The following USP6NL variants were observed in gnomAD, a reference collection of about 807,000 sequenced individuals.
USP6NL encodes the protein USP6 N-terminal-like protein.
In USP6NL, 26 loss-of-function variants were observed where a neutral mutation model predicts 61.9. That is an observed-to-expected ratio of 0.42 (90% CI 0.31 to 0.58). The LOEUF is 0.58. Ranked by LOEUF, USP6NL falls within the 20% of genes least tolerant of loss-of-function variation. The pLI is 0.16. For synonymous variants in USP6NL, 432 were observed against 390.1 expected (o/e 1.11, Z -1.27); for missense variants, 1,114 against 1,034.3 (o/e 1.08, Z -1.06).
intron 14 of USP6NL, among the ~76,000 whole-genome samples, chr10:11,464,988 AT>A (rs1340292702): frequency 6.6e-6 from 1 of 151,906 alleles, no homozygotes; most frequent in Non-Finnish European, 1.5e-5. Flanking sequence ...TAAAAATAAA[AT>A]TAAAACCTAT....
chr10:11,519,034 T>G (rs1380408439), intron 4 of USP6NL, among the ~76,000 whole-genome samples: 1 of 152,212 alleles, frequency 6.6e-6, no homozygotes, highest in African/African-American at 2.4e-5. Flanking sequence ...CGGTAAGTAT[T>G]TGAGACTTTC....
rs1031640954 is a variant in USP6NL, at chr10:11,485,985, T to C, written c.665-74A>G. 1 of 1,029,316 alleles carries C rather than the reference T, an allele frequency of 9.7e-7. No individual in the cohort carries two copies. The highest frequency in any genetic ancestry group is 1.4e-6 in the Non-Finnish European group (1 of 723,960). The allele number at this position is 1,029,316 out of a possible 1,614,324, so 63.8% of individuals were successfully genotyped here. A position where few individuals can be genotyped will look rare whatever the true frequency, so the allele number is the denominator to read the frequency against. ...CCCTCCAATCTTAAAACACAACATA[T>C]TTCATTTGTAACTGTCAAAAATAAA... On this transcript the variant is annotated intron_variant, in intron 10 of 14. Coordinates refer to ENST00000609104, the MANE Select transcript of USP6NL (RefSeq NM_014688.5). This position sits in a 1 kb window ranked among gnomAD's most constrained non-coding sequence, Gnocchi z 4.8.
At chr10:11,581,984 G>A (rs11257180) in intron 2 of USP6NL, among the ~76,000 whole-genome samples, 1 of 151,898 alleles carries the variant, frequency 6.6e-6, no homozygotes, top group Admixed American at 6.6e-5. Context: ...TTGTTTTTGA[G>A]ACGGAGTTTC....
chr10:11,462,890 A>G lies in USP6NL; in HGVS notation c.2038T>C (p.Ser680Pro). 1 of 1,613,648 alleles carries G rather than the reference A, an allele frequency of 6.2e-7. No individual in the cohort carries two copies. Among genetic ancestry groups the G allele is most frequent in the East Asian group, 2.2e-5 (1 of 44,862 alleles). Reference sequence around the variant, plus strand: ...GGGCGGCTGTAAGATTTCTCCGGAGAAGCACTGACGGAAAGAGTAGAACCA... The same window carrying G: ...GGGCGGCTGTAAGATTTCTCCGGAGGAGCACTGACGGAAAGAGTAGAACCA... ...PHGSTLSVSASPEKSYSRPSP... is the reference protein window; with the variant it reads ...PHGSTLSVSAPPEKSYSRPSP... The change falls in exon 15 of 15, where the codon TCT becomes CCT. Residue 680 changes from serine (S) to proline (P), a missense_variant. Transcript: ENST00000609104.
chr10:11,607,243 T>C (rs1035695429), intron 1 of USP6NL, among the ~76,000 whole-genome samples: 1 of 152,214 alleles, frequency 6.6e-6, no homozygotes, highest in African/African-American at 2.4e-5. Context: ...ATTCAATTTT[T>C]TTCCATTGTG....
At chr10:11,567,923 G>A (rs1227041091) in intron 2 of USP6NL, among the ~76,000 whole-genome samples, 1 of 152,144 alleles carries the variant, frequency 6.6e-6, no homozygotes. Context: ...AACAGCAAAT[G>A]AGCGAGCAAA....
intron 2 of USP6NL, chr10:11,564,553 A>G (rs879440458): frequency 2.0e-5 from 3 of 152,246 alleles, no homozygotes; most frequent in Non-Finnish European, 4.4e-5. Flanking sequence ...TGATTAATGA[A>G]TTGCAGTCCT....
intron 14 of USP6NL, among the ~76,000 whole-genome samples, chr10:11,464,417 T>A (rs1382865170): frequency 6.6e-6 from 1 of 152,206 alleles, no homozygotes; most frequent in African/African-American, 2.4e-5. Context: ...AGGCCTGCGA[T>A]AGGCAGACAG....
chr10:11,527,002 T>A (rs1835448239), intron 3 of USP6NL, among the ~76,000 whole-genome samples: 1 of 152,168 alleles, frequency 6.6e-6, no homozygotes, highest in Admixed American at 6.5e-5. Flanking sequence ...CAAGTATTTA[T>A]TGAGTGCCTA....
intron 1 of USP6NL, among the ~76,000 whole-genome samples, chr10:11,603,168 C>G (rs563139911): frequency 8.5e-5 from 13 of 152,300 alleles, no homozygotes; most frequent in African/African-American, 3.1e-4. Flanking sequence ...TTTCTTTACA[C>G]TTGTATGTTA....
intron 2 of USP6NL, among the ~76,000 whole-genome samples, chr10:11,541,687 G>A (rs1008187326): frequency 6.6e-6 from 1 of 152,128 alleles, no homozygotes. Context: ...AACCTCCCTA[G>A]ATGTGCACAG....
At chr10:11,493,310 A>C (rs1833780199) in intron 7 of USP6NL, 82 bp from the exon 8 acceptor site, 3 of 1,268,684 alleles carry the variant, frequency 2.4e-6, no homozygotes, top group African/African-American at 3.0e-5. Flanking sequence ...AATTCTCATT[A>C]AAAAGTTTTT....
At chr10:11,571,705 T>TC (rs1837368605) in intron 2 of USP6NL, among the ~76,000 whole-genome samples, 1 of 151,568 alleles carries the variant, frequency 6.6e-6, no homozygotes, top group African/African-American at 2.4e-5. Flanking sequence ...CCATATGACT[T>TC]TTTTTTTCAA....
chr10:11,462,054 A>G lies in USP6NL; in HGVS notation c.*387T>C, dbSNP rs1411861020. ...ATTAAAAGACACATACACTACATAT[A>G]GCCTTAAAAATATCTATTCTACAGT... On this transcript the variant is annotated 3_prime_UTR_variant, in exon 15 of 15. Coordinates refer to ENST00000609104, the MANE Select transcript of USP6NL (RefSeq NM_014688.5). The G allele has an allele frequency of 5.2e-6, 1 of 190,892 alleles. No individual in the cohort carries two copies. Among genetic ancestry groups the G allele is most frequent in the Non-Finnish European group, 1.1e-5 (1 of 92,082 alleles). 11.8% of individuals were successfully genotyped at this position (190,892 alleles called of 1,614,324 possible). A position where few individuals can be genotyped will look rare whatever the true frequency, so the allele number is the denominator to read the frequency against.
In USP6NL at chr10:11,592,423, A is replaced by C. The variant is rs924488496; in HGVS notation, c.4+5208T>G. On this transcript the variant is annotated intron_variant, in intron 2 of 14. Transcript: ENST00000609104. The surrounding 1 kb of genome is among the most constrained non-coding windows in gnomAD (Gnocchi z 4.7). ...GGTCCCCCAGTAACTGTCAGCCACA[A>C]AGTCTCCATACATTTCCAAATTCCT... 6.6e-6 allele frequency among the ~76,000 whole-genome samples: 1 copy of C among 152,270 alleles called. No individual in the cohort carries two copies. Among genetic ancestry groups the C allele is most frequent in the African/African-American group, 2.4e-5 (1 of 41,552 alleles).
chr10:11,595,039 A>C lies in USP6NL; in HGVS notation c.4+2592T>G, dbSNP rs1838282435. Among the ~76,000 whole-genome samples, 1 of 152,210 alleles carries C rather than the reference A, an allele frequency of 6.6e-6. No homozygotes were observed. Among genetic ancestry groups the C allele is most frequent in the Non-Finnish European group, 1.5e-5 (1 of 68,032 alleles). On this transcript the variant is annotated intron_variant, in intron 2 of 14. Transcript: ENST00000609104. This position sits in a 1 kb window ranked among gnomAD's most constrained non-coding sequence, Gnocchi z 5.3. ...ACAGGCAGTGGCTCTAGGAACTAGCAGACTACTCAGAAGCTGATTTTTTTA... is the reference window on the plus strand; with the variant it reads ...ACAGGCAGTGGCTCTAGGAACTAGCCGACTACTCAGAAGCTGATTTTTTTA...
intron 1 of USP6NL, among the ~76,000 whole-genome samples, chr10:11,601,487 G>A (rs1425431993): frequency 6.6e-6 from 1 of 152,104 alleles, no homozygotes; most frequent in Non-Finnish European, 1.5e-5. Context: ...GGATGGGATG[G>A]ACATCATTAT....
chr10:11,584,894 T>C (rs1837912076), intron 2 of USP6NL, among the ~76,000 whole-genome samples: 1 of 151,830 alleles, frequency 6.6e-6, no homozygotes. Context: ...GCCGAGATCA[T>C]GCCACTGCAC....
rs1835157266 is a variant in USP6NL, at chr10:11,520,370, T to C, written c.156-1796A>G. Among the ~76,000 whole-genome samples, 1 of 152,244 alleles carries C rather than the reference T, an allele frequency of 6.6e-6. No homozygotes were observed. Among genetic ancestry groups the C allele is most frequent in the Non-Finnish European group, 1.5e-5 (1 of 68,046 alleles). Reference sequence around the variant, plus strand: ...AACTTTTCATGGAGAATCTGCTGTGTGCATACCAATCTCCACAGAGCTTTT... The same window carrying C: ...AACTTTTCATGGAGAATCTGCTGTGCGCATACCAATCTCCACAGAGCTTTT... On this transcript the variant is annotated intron_variant, in intron 4 of 14. Coordinates refer to ENST00000609104, the MANE Select transcript of USP6NL (RefSeq NM_014688.5). This position sits in a 1 kb window ranked among gnomAD's most constrained non-coding sequence, Gnocchi z 5.2.
Sources: allele counts gnomAD v4.1 joint callset (sites outside exome capture counted in the v4.1 genomes callset), GRCh38; gene constraint gnomAD v4.1.1; non-coding constraint Gnocchi (gnomAD v3.1); transcripts MANE v1.5; gene names NCBI Gene and HGNC (gene_info 2026-07-23, HGNC 2026-07-21).